Variants in PHF21A observed in about 807,000 individuals in gnomAD.
The protein encoded by PHF21A is BHC80a.
Under a neutral mutation model 82.5 loss-of-function variants are expected in PHF21A, and 11 were observed. The ratio of observed to expected loss-of-function variants is 0.13; its 90% CI spans 0.08 to 0.22. The LOEUF is 0.22. PHF21A is among the 10% of genes least tolerant of loss of function. The pLI, the probability that PHF21A is intolerant of heterozygous loss-of-function variation, is 1.00. For synonymous variants in PHF21A, 297 were observed against 302.8 expected (o/e 0.98, Z 0.20); for missense variants, 579 against 837.8 (o/e 0.69, Z 3.81).
Position 46,035,604 on chromosome 11 carries a change from A to C in PHF21A, c.153+41150T>G, listed in dbSNP as rs1428463004. ...TGTTAGGATAAAGGGAATAAGGTACACTAGGGTAAACAACCAACAGGTGGA... is the reference window on the plus strand; with the variant it reads ...TGTTAGGATAAAGGGAATAAGGTACCCTAGGGTAAACAACCAACAGGTGGA... On this transcript the variant is annotated intron_variant, in intron 6 of 18. Transcript: ENST00000676320. Among the ~76,000 whole-genome samples, 6 of 152,244 alleles carry C rather than the reference A, an allele frequency of 3.9e-5. No homozygotes were observed. The East Asian group carries it at 1.2e-3, about 29-fold the overall frequency.
At chr11:45,975,972 T>C (rs532926601) in intron 7 of PHF21A, among the ~76,000 whole-genome samples, 20 of 152,264 alleles carry the variant, frequency 1.3e-4, no homozygotes, top group Non-Finnish European at 2.1e-4. Context: ...ATACATTAAA[T>C]ATATGTATTT....
At chr11:46,046,067 T>G (rs2096251448) in intron 6 of PHF21A, among the ~76,000 whole-genome samples, 1 of 152,240 alleles carries the variant, frequency 6.6e-6, no homozygotes, top group Admixed American at 6.5e-5. Flanking sequence ...GCTCTGGCAT[T>G]CAGCTAGCCA....
At chr11:46,042,759 T>C (rs968112904) in intron 6 of PHF21A, among the ~76,000 whole-genome samples, 1 of 152,034 alleles carries the variant, frequency 6.6e-6, no homozygotes, top group Non-Finnish European at 1.5e-5. Context: ...CTATGAAAGC[T>C]TGTTTTTCCC....
chr11:45,988,704 C>A (rs888489771), intron 6 of PHF21A, among the ~76,000 whole-genome samples: 56 of 152,026 alleles, frequency 3.7e-4, no homozygotes, highest in Non-Finnish European at 5.9e-4. Flanking sequence ...GCCTGGCCAA[C>A]ATGGCAAAAA....
At chr11:45,979,170 C>A (rs539236379) in intron 7 of PHF21A, among the ~76,000 whole-genome samples, 10 of 152,144 alleles carry the variant, frequency 6.6e-5, no homozygotes, top group African/African-American at 1.9e-4. Flanking sequence ...GCGCCTGCTA[C>A]CAGGCCTGGC....
rs575209091 is a variant in PHF21A at position 45,988,997 on chromosome 11, A to G, written c.154-9031T>C. Among the ~76,000 whole-genome samples, 26 of 152,340 alleles carry G rather than the reference A, an allele frequency of 1.7e-4. No homozygotes were observed. The East Asian group carries it at 5.0e-3, about 29-fold the overall frequency. On this transcript the variant is annotated intron_variant, in intron 6 of 18. Coordinates refer to ENST00000676320, the MANE Select transcript of PHF21A (RefSeq NM_001352027.3). ...TTACCACCAAATATTTGTTACAATCACTTAAAGAAAAAAATGAACAATGTT... is the reference window on the plus strand; with the variant it reads ...TTACCACCAAATATTTGTTACAATCGCTTAAAGAAAAAAATGAACAATGTT...
At chr11:46,066,391 A>G (rs919254005) in intron 6 of PHF21A, among the ~76,000 whole-genome samples, 1 of 152,208 alleles carries the variant, frequency 6.6e-6, no homozygotes, top group Non-Finnish European at 1.5e-5. Context: ...TTAAAAATTA[A>G]TATGTGTTCC....
At position 46,087,604 on chromosome 11, in the gene PHF21A, G is replaced by GT. The variant is rs1222842359; in HGVS notation, c.-84+2850dup. On this transcript the variant is annotated intron_variant, in intron 3 of 18. Transcript: ENST00000676320. ...GATAGTAATTTTAAGAGACTGGTCT[G>GT]TGCGGAAAGAAACAAATTACAGACA... Among the ~76,000 whole-genome samples the GT allele has an allele frequency of 3.9e-5, 6 of 152,188 alleles. 1 individual carries two copies. The highest frequency in any genetic ancestry group is 1.4e-4 in the African/African-American group (6 of 41,442).
chr11:46,032,487 C>A (rs548449065), intron 6 of PHF21A, among the ~76,000 whole-genome samples: 1 of 150,404 alleles, frequency 6.6e-6, no homozygotes, highest in East Asian at 1.9e-4. Flanking sequence ...ATGTTTTTTT[C>A]AATTCTCCAC....
rs1323603362 is a variant in PHF21A, at chr11:46,032,429, G to A, written c.153+44325C>T. ...CGAATACATTTCCATGTGAAAATCA[G>A]TATCATCTACTTCCTTTTCTTAACA... On this transcript the variant is annotated intron_variant, in intron 6 of 18. Transcript: ENST00000676320. 2.0e-5 allele frequency among the ~76,000 whole-genome samples: 3 copies of A among 152,014 alleles called. No homozygotes were observed. The East Asian group carries it at 5.8e-4, about 29-fold the overall frequency.
At chr11:46,084,650 CAGAA>C (rs2096834453) in intron 3 of PHF21A, among the ~76,000 whole-genome samples, 1 of 151,372 alleles carries the variant, frequency 6.6e-6, no homozygotes, top group African/African-American at 2.4e-5. Flanking sequence ...ACACTGTCCT[CAGAA>C]AGAGACATAT....
In PHF21A at chr11:45,931,488, T is replaced by TA. The variant is rs1247693392; in HGVS notation, c.*2479dup. On this transcript the variant is annotated 3_prime_UTR_variant, in exon 19 of 19. Coordinates refer to ENST00000676320, the MANE Select transcript of PHF21A (RefSeq NM_001352027.3). ...CTCAGCCAATCAAGCAGCCAGGGCC[T>TA]AACTCTGAGGCCTGTTCAGCCTAAC... The TA allele has an allele frequency of 6.6e-6, 1 of 152,242 alleles. No individual in the cohort carries two copies. The highest frequency in any genetic ancestry group is 2.4e-5 in the African/African-American group (1 of 41,470). 9.4% of individuals were successfully genotyped at this position (152,242 alleles called of 1,614,324 possible).
intron 6 of PHF21A, among the ~76,000 whole-genome samples, chr11:46,018,111 G>A (rs1409110418): frequency 6.6e-6 from 1 of 151,242 alleles, no homozygotes; most frequent in Non-Finnish European, 1.5e-5. Context: ...TTAGCCGGGC[G>A]TAGTGGCGGG....
chr11:45,935,066 G>C, intron 18 of PHF21A: 1 of 1,255,220 alleles, frequency 8.0e-7, no homozygotes, highest in Non-Finnish European at 1.0e-6. Flanking sequence ...CTGTCCCCCT[G>C]CTGCAAATAC....
At chr11:45,958,951 C>T (rs947560233) in intron 10 of PHF21A, among the ~76,000 whole-genome samples, 2 of 152,058 alleles carry the variant, frequency 1.3e-5, no homozygotes, top group Non-Finnish European at 2.9e-5. Flanking sequence ...CAGAAAATTA[C>T]AGACCAATAT....
At chr11:46,035,643 A>G (rs987321295) in intron 6 of PHF21A, among the ~76,000 whole-genome samples, 1 of 152,218 alleles carries the variant, frequency 6.6e-6, no homozygotes, top group Non-Finnish European at 1.5e-5. Flanking sequence ...AACCTAATCT[A>G]TAGGTCAGAG....
At chr11:46,073,774 T>C (rs2096685850) in intron 6 of PHF21A, among the ~76,000 whole-genome samples, 1 of 152,210 alleles carries the variant, frequency 6.6e-6, no homozygotes, top group South Asian at 2.1e-4. Flanking sequence ...TAACATATAA[T>C]TTATGTAGCC....
At chr11:46,072,914 A>T (rs2096671179) in intron 6 of PHF21A, among the ~76,000 whole-genome samples, 1 of 152,212 alleles carries the variant, frequency 6.6e-6, no homozygotes, top group Admixed American at 6.5e-5. Context: ...GAAAGCAGAG[A>T]ACTAGAGCAA....
chr11:45,961,572 T>C (rs755355368), intron 10 of PHF21A, among the ~76,000 whole-genome samples: 2 of 152,234 alleles, frequency 1.3e-5, no homozygotes, highest in Admixed American at 1.3e-4. Context: ...AAAATATTTA[T>C]GGTAACGTGG....
Sources: gnomAD v4.1 joint callset for allele counts (sites outside exome capture counted in the v4.1 genomes callset) on GRCh38, gnomAD v4.1.1 for gene constraint, MANE v1.5 for transcripts, NCBI Gene and HGNC (gene_info 2026-07-23, HGNC 2026-07-21) for gene names.